Variants in CDH13 observed in about 807,000 individuals in gnomAD.
The protein encoded by CDH13 is cadherin 13, also known as cadherin-13.
In CDH13, 24 loss-of-function variants were observed where a neutral mutation model predicts 63.8. That is an observed-to-expected ratio of 0.38 (90% CI 0.27 to 0.53). CDH13 has a LOEUF of 0.53. CDH13 is among the 20% of genes least tolerant of loss of function. CDH13 has a pLI of 0.85. For synonymous variants in CDH13, 503 were observed against 355.3 expected, an observed-to-expected ratio of 1.42 and a Z score of -4.67; for missense variants, 1,049 against 903.1, an observed-to-expected ratio of 1.16 and a Z score of -2.07.
chr16:83,315,687 G>C (rs1404645891), intron 5 of CDH13, among the ~76,000 whole-genome samples: 1 of 150,214 alleles, frequency 6.7e-6, no homozygotes, highest in South Asian at 2.1e-4. Context: ...TTTTTAGTGT[G>C]TTCTCGCTAT....
chr16:83,289,810 C>T (rs2089421043), intron 5 of CDH13, among the ~76,000 whole-genome samples: 1 of 152,168 alleles, frequency 6.6e-6, no homozygotes, highest in Admixed American at 6.5e-5. Context: ...GTCTATCATA[C>T]AGTTAGCCTG....
intron 2 of CDH13, among the ~76,000 whole-genome samples, chr16:82,919,694 G>T (rs1335624881): frequency 6.6e-6 from 1 of 152,148 alleles, no homozygotes; most frequent in East Asian, 1.9e-4. Context: ...CATTTTAAAA[G>T]AAATGGAGAA....
At chr16:83,531,653 G>C (rs962456405) in intron 7 of CDH13, among the ~76,000 whole-genome samples, 41 of 152,192 alleles carry the variant, frequency 2.7e-4, no homozygotes, top group Non-Finnish European at 1.0e-4. Context: ...GAGTGGTATT[G>C]ACTGAAGAAG....
intron 4 of CDH13, among the ~76,000 whole-genome samples, chr16:83,212,218 T>C (rs930530478): frequency 6.6e-6 from 1 of 152,112 alleles, no homozygotes. Flanking sequence ...TTTTGAAGCA[T>C]GGCTGAGTGT....
chr16:83,259,007 A>T (rs1411249431), intron 5 of CDH13, among the ~76,000 whole-genome samples: 1 of 152,190 alleles, frequency 6.6e-6, no homozygotes, highest in African/African-American at 2.4e-5. Flanking sequence ...CTATGTCATA[A>T]ATATCACCCA....
At chr16:83,328,623 A>T (rs1328755886) in intron 5 of CDH13, among the ~76,000 whole-genome samples, 1 of 152,148 alleles carries the variant, frequency 6.6e-6, no homozygotes, top group Non-Finnish European at 1.5e-5. Flanking sequence ...CTTGGCTGAG[A>T]AGGTAACCAG....
intron 1 of CDH13, among the ~76,000 whole-genome samples, chr16:82,821,266 C>T (rs1264467325): frequency 6.6e-6 from 1 of 152,082 alleles, no homozygotes; most frequent in African/African-American, 2.4e-5. Context: ...GAATTTGGAA[C>T]ATTAATGACT....
At chr16:82,835,669 G>T (rs2038736831) in intron 1 of CDH13, among the ~76,000 whole-genome samples, 1 of 152,172 alleles carries the variant, frequency 6.6e-6, no homozygotes, top group African/African-American at 2.4e-5. Flanking sequence ...CCACAGGCTT[G>T]ATCAGCGGCC....
chr16:82,631,065 T>C (rs10871434), intron 1 of CDH13, among the ~76,000 whole-genome samples: 66,445 of 152,136 alleles, frequency 0.44, 14,959 homozygotes, highest in South Asian at 0.51. Context: ...TTTATTTCTG[T>C]GTCTCTCTCT....
chr16:83,313,709 G>A (rs936537261), intron 5 of CDH13, among the ~76,000 whole-genome samples: 16 of 149,600 alleles, frequency 1.1e-4, no homozygotes, highest in Non-Finnish European at 1.5e-5. Context: ...GAGCATTCTA[G>A]AGGGACAAAA....
chr16:83,325,712 C>G (rs772256285), intron 5 of CDH13, among the ~76,000 whole-genome samples: 2 of 152,038 alleles, frequency 1.3e-5, no homozygotes, highest in Non-Finnish European at 2.9e-5. Context: ...CCCCAGAATC[C>G]CATATTTCCT....
intron 4 of CDH13, among the ~76,000 whole-genome samples, chr16:83,200,372 G>C (rs1482961101): frequency 1.3e-5 from 2 of 152,156 alleles, no homozygotes; most frequent in Non-Finnish European, 2.9e-5. Flanking sequence ...CTTTTCTGCT[G>C]GTCTTTAGAT....
At chr16:83,533,099 A>G (rs919082963) in intron 7 of CDH13, among the ~76,000 whole-genome samples, 1 of 152,144 alleles carries the variant, frequency 6.6e-6, no homozygotes. Flanking sequence ...CTACCTCAAC[A>G]TCAGCTCTTA....
At chr16:82,721,532 T>C (rs373472988) in intron 1 of CDH13, among the ~76,000 whole-genome samples, 8 of 152,244 alleles carry the variant, frequency 5.3e-5, no homozygotes, top group African/African-American at 1.9e-4. Flanking sequence ...ACTGCTCACG[T>C]AGGCAGGAAG....
intron 1 of CDH13, among the ~76,000 whole-genome samples, chr16:82,679,803 A>G (rs1006505539): frequency 2.0e-5 from 3 of 152,228 alleles, no homozygotes; most frequent in African/African-American, 7.2e-5. Context: ...CTATGTTTGA[A>G]CAGATTTCAA....
intron 6 of CDH13, among the ~76,000 whole-genome samples, chr16:83,461,020 C>CACAT (rs2073166711): frequency 6.6e-6 from 1 of 150,986 alleles, no homozygotes; most frequent in South Asian, 2.1e-4. Context: ...CACACACACA[C>CACAT]AGAACAAACA....
chr16:82,807,972 A>G (rs908793819), intron 1 of CDH13, among the ~76,000 whole-genome samples: 2 of 152,158 alleles, frequency 1.3e-5, no homozygotes, highest in African/African-American at 4.8e-5. Flanking sequence ...CTTATTAACG[A>G]GAGACAGAAT....
At chr16:83,692,783 C>T (rs1365432947) in intron 10 of CDH13, among the ~76,000 whole-genome samples, 1 of 152,122 alleles carries the variant, frequency 6.6e-6, no homozygotes, top group Non-Finnish European at 1.5e-5. Context: ...TACAGCCTTG[C>T]AAAGAAAAGC....
chr16:83,024,355 A>T (rs1915609212), intron 2 of CDH13, among the ~76,000 whole-genome samples: 1 of 152,240 alleles, frequency 6.6e-6, no homozygotes, highest in Non-Finnish European at 1.5e-5. Flanking sequence ...TTTATAATTT[A>T]AAGGGTCAGT....
Sources: allele counts gnomAD v4.1 joint callset (sites outside exome capture counted in the v4.1 genomes callset), GRCh38; gene constraint gnomAD v4.1.1; transcripts MANE v1.5; gene names NCBI Gene and HGNC (gene_info 2026-07-23, HGNC 2026-07-21).